IGSF22: variants seen among roughly 807,000 people sequenced by gnomAD.
IGSF22 encodes immunoglobulin superfamily, member 22.
In IGSF22, 119 loss-of-function variants were observed where a neutral mutation model predicts 127.0. The observed-to-expected ratio is 0.94, with a 90% CI of 0.81 to 1.09. The LOEUF is 1.09. IGSF22 is among the 50% of genes least tolerant of loss of function. The pLI is 0.00. For missense variants in IGSF22, 1,518 were observed against 1,716.6 expected (o/e 0.88, Z 2.04); for synonymous variants, 568 against 664.7 (o/e 0.85, Z 2.24).
chr11:18,706,027 A>C lies in IGSF22; in HGVS notation c.3700T>G (p.Cys1234Gly). The C allele has an allele frequency of 6.4e-7, 1 of 1,551,642 alleles. No individual in the cohort carries two copies. Among genetic ancestry groups the C allele is most frequent in the Non-Finnish European group, 8.7e-7 (1 of 1,146,960 alleles). The change falls in exon 22 of 23, where the codon TGC (cysteine) becomes GGC (glycine). Residue 1234 changes from cysteine to glycine, a missense_variant. Cys to Gly is a radical substitution (Grantham distance 159, BLOSUM62 -3). Coordinates refer to ENST00000513874, the MANE Select transcript of IGSF22 (RefSeq NM_173588.4). ...GGCCGCGGGTTCCCAAGGAAGGCGC[A>C]GGTCATGGTGCAGTCCTGGCCGCGG... Reference protein sequence around the residue: ...VLRGQDCTMTCAFLGNPRPTV... With the variant: ...VLRGQDCTMTGAFLGNPRPTV...
Position 18,714,173 on chromosome 11 carries a change from G to A in IGSF22, c.1799-25C>T, listed in dbSNP as rs756329358. 1.7e-5 allele frequency: 27 copies of A among 1,599,798 alleles called. 1 individual carries two copies. The East Asian group carries it at 5.6e-4, about 33-fold the overall frequency. ...TCTGTGGGGCGGGGCGGCAGGGAAG[G>A]CTTGAGCATTGGCATGGAGGAGCCC... On this transcript the variant is annotated intron_variant, in intron 13 of 22. Coordinates refer to ENST00000513874, the MANE Select transcript of IGSF22 (RefSeq NM_173588.4).
chr11:18,721,779 G>C, intron 3 of IGSF22, 108 bp from the exon 4 acceptor site: 15 of 1,587,952 alleles, frequency 9.4e-6, no homozygotes, highest in East Asian at 2.2e-5. Context: ...CTGGCCCCGG[G>C]CAGGGGAGGA....
At position 18,708,377 on chromosome 11, in the gene IGSF22, C is replaced by T. The variant is rs1848288361; in HGVS notation, c.2999-82G>A. 3.8e-6 allele frequency: 4 copies of T among 1,065,614 alleles called. No homozygotes were observed. In the Admixed American group the frequency reaches 8.3e-5, roughly 22 times the overall value. 66.0% of individuals were successfully genotyped at this position (1,065,614 alleles called of 1,614,324 possible). On this transcript the variant is annotated intron_variant, in intron 18 of 22. Transcript: ENST00000513874. ...TTTAAGCCTCCTCATCAAAGCCTTC[C>T]CAACCTCTCCTCCTTTATGCCCCCA...
Position 18,717,957 on chromosome 11 carries a change from C to T in IGSF22, c.947G>A (p.Arg316Gln), listed in dbSNP as rs148169388. ...CAGCACTGTGAGCTCTGCACTCATC[C>T]GCTTATCGCCCACGGACAGGCTGTA... ...GIYSLSVGDK[R>Q]MSAELTVLDE... Residue 316 changes from arginine (R) to glutamine (Q), a missense_variant, in exon 9 of 23, where the codon CGG becomes CAG. Arg to Gln is a conservative substitution (Grantham distance 43). Coordinates refer to ENST00000513874, the MANE Select transcript of IGSF22 (RefSeq NM_173588.4). 7.5e-4 allele frequency: 1,209 copies of T among 1,614,148 alleles called. 19 individuals carry two copies. In the African/African-American group the frequency reaches 0.011, roughly 15 times the overall value.
Position 18,709,421 on chromosome 11 carries a change from C to T in IGSF22, c.2964G>A (p.Glu988=), listed in dbSNP as rs1431041659. 3 of 1,614,128 alleles carry T rather than the reference C, an allele frequency of 1.9e-6. No individual in the cohort carries two copies. In the East Asian group the frequency reaches 6.7e-5, roughly 36 times the overall value. Reference sequence around the variant, plus strand: ...GCATGGCACGGACCCCCTTGTCTAGCTCCACAGGCTCCCCAACCCCAGCCT... The same window carrying T: ...GCATGGCACGGACCCCCTTGTCTAGTTCCACAGGCTCCCCAACCCCAGCCT... ...VNEAGVGEPV[E]LDKGVRAMPP... is the part of the protein sequence containing the mutation. The change falls in exon 18 of 23, where the codon GAG becomes GAA. Residue 988 remains glutamate (E), a synonymous_variant. Coordinates refer to ENST00000513874, the MANE Select transcript of IGSF22 (RefSeq NM_173588.4). This position sits in a 1 kb window ranked among gnomAD's most constrained non-coding sequence, Gnocchi z 4.8.
intron 8 of IGSF22, 74 bp from the exon 9 acceptor site, chr11:18,718,167 C>T (rs566912834): frequency 2.0e-5 from 29 of 1,449,602 alleles, no homozygotes; most frequent in Admixed American, 3.6e-5. Context: ...CATTCCCCAG[C>T]GCCAGCCTAA....
chr11:18,705,470 T>C, intron 22 of IGSF22: 1 of 243,812 alleles, frequency 4.1e-6, no homozygotes, highest in Non-Finnish European at 7.9e-6. Flanking sequence ...TTTGTAAACA[T>C]ATAGGTTATT....
At position 18,714,598 on chromosome 11, in the gene IGSF22, T is replaced by TC. The variant is rs1848425440; in HGVS notation, c.1557dup (p.Met520AspfsTer13). 1.2e-6 allele frequency: 2 copies of TC among 1,613,982 alleles called. No homozygotes were observed. Among genetic ancestry groups the TC allele is most frequent in the Non-Finnish European group, 1.7e-6 (2 of 1,180,044 alleles). ...CCAGTGGCCGCGTGCACGTCGGACA[T>TC]CCCGCTCTTCACTGTGGCCAGACGC... On this transcript the variant is annotated frameshift_variant, in exon 12 of 23. Transcript: ENST00000513874. LOFTEE classifies it high-confidence loss of function.
chr11:18,720,878 T>G lies in IGSF22; in HGVS notation c.379-593A>C, dbSNP rs548054232. On this transcript the variant is annotated intron_variant, in intron 4 of 22. Coordinates refer to ENST00000513874, the MANE Select transcript of IGSF22 (RefSeq NM_173588.4). ...TCTTTGGGAGCAGACTACTTCTGTC[T>G]GTGGGGAAAAAAGGAGGCTCTTTGC... Among the ~76,000 whole-genome samples the G allele has an allele frequency of 2.6e-5, 4 of 152,252 alleles. No individual in the cohort carries two copies. In the South Asian group the frequency reaches 8.3e-4, roughly 32 times the overall value.
rs1264547979 is a variant in IGSF22 at position 18,717,954 on chromosome 11, A to G, written c.950T>C (p.Met317Thr). The change falls in exon 9 of 23, where the codon ATG becomes ACG. Residue 317 changes from methionine (M) to threonine (T), a missense_variant. Physicochemically the swap from Met to Thr is moderately conservative, Grantham distance 81 (BLOSUM62 -1). Coordinates refer to ENST00000513874, the MANE Select transcript of IGSF22 (RefSeq NM_173588.4). ...ACCCAGCACTGTGAGCTCTGCACTCATCCGCTTATCGCCCACGGACAGGCT... is the reference window on the plus strand; with the variant it reads ...ACCCAGCACTGTGAGCTCTGCACTCGTCCGCTTATCGCCCACGGACAGGCT... ...IYSLSVGDKR[M>T]SAELTVLDEP... 27 of 1,614,018 alleles carry G rather than the reference A, an allele frequency of 1.7e-5. No individual in the cohort carries two copies. Among genetic ancestry groups the G allele is most frequent in the Non-Finnish European group, 2.2e-5 (26 of 1,180,032 alleles).
Position 18,705,933 on chromosome 11 carries a change from C to T in IGSF22, c.3794G>A (p.Ser1265Asn). The T allele has an allele frequency of 1.3e-6, 2 of 1,551,744 alleles. No homozygotes were observed. Among genetic ancestry groups the T allele is most frequent in the Non-Finnish European group, 1.7e-6 (2 of 1,146,992 alleles). Reference sequence around the variant, plus strand: ...GGGGATGACGAGGGTGCACACGCCGCTGGTGGAGTTGTACCAGAACTTGGA... The same window carrying T: ...GGGGATGACGAGGGTGCACACGCCGTTGGTGGAGTTGTACCAGAACTTGGA... ...ANSKFWYNST[S>N]GVCTLVIPTC... The change falls in exon 22 of 23, where the codon AGC (serine) becomes AAC (asparagine). Residue 1265 changes from serine (S) to asparagine (N), a missense_variant. Transcript: ENST00000513874.
rs1457159321 is a variant in IGSF22, at chr11:18,706,924, A to T, written c.3570T>A (p.Asn1190Lys). ...AAGTCCCAGACTCACTCTGGTCCTTATTGATGAGCCAGGTGTCCCTGGAGT... is the reference window on the plus strand; with the variant it reads ...AAGTCCCAGACTCACTCTGGTCCTTTTTGATGAGCCAGGTGTCCCTGGAGT... Reference protein sequence around the residue: ...PLDSRDTWLINKDQIQDLSAK... With the variant: ...PLDSRDTWLIKKDQIQDLSAK... Residue 1190 changes from asparagine (N) to lysine (K), a missense_variant, in exon 21 of 23, where the codon AAT (asparagine) becomes AAA (lysine). By Grantham distance (94) the Asn-to-Lys change is moderately conservative. This residue lies in a region of IGSF22 where 1,456 missense variants were observed against 1,644.9 expected (regional missense o/e 0.89). Transcript: ENST00000513874. The T allele has an allele frequency of 1.3e-6, 2 of 1,509,108 alleles. No homozygotes were observed. Among genetic ancestry groups the T allele is most frequent in the Non-Finnish European group, 1.8e-6 (2 of 1,124,130 alleles). 93.5% of individuals were successfully genotyped at this position (1,509,108 alleles called of 1,614,324 possible). A position where few individuals can be genotyped will look rare whatever the true frequency, so the allele number is the denominator to read the frequency against.
At chr11:18,721,200 C>G (rs1848565014) in intron 4 of IGSF22, among the ~76,000 whole-genome samples, 1 of 152,198 alleles carries the variant, frequency 6.6e-6, no homozygotes, top group African/African-American at 2.4e-5. Flanking sequence ...CATGGCTACG[C>G]CCACCGTCTT....
chr11:18,720,300 G>T lies in IGSF22; in HGVS notation c.379-15C>A. 18 of 1,607,178 alleles carry T rather than the reference G, an allele frequency of 1.1e-5. No homozygotes were observed. Among genetic ancestry groups the T allele is most frequent in the Non-Finnish European group, 1.5e-5 (18 of 1,174,226 alleles). ...AGTGGCTCCAGCTGGATCAAAGTCC[G>T]GCCATTAGTGGGGGAAGGAAAAGGA... On this transcript the variant is annotated splice_polypyrimidine_tract_variant and intron_variant, in intron 4 of 22. Transcript: ENST00000513874.
intron 4 of IGSF22, among the ~76,000 whole-genome samples, chr11:18,721,120 C>T (rs574464708): frequency 2.0e-5 from 3 of 152,280 alleles, no homozygotes; most frequent in Middle Eastern, 3.4e-3. Context: ...GAGCCCGGAG[C>T]CCCTGACCCT....
Position 18,721,623 on chromosome 11 carries a change from T to G in IGSF22, c.290A>C (p.His97Pro), listed in dbSNP as rs1344918977. Residue 97 changes from histidine (H) to proline (P), a missense_variant, in exon 4 of 23, where the codon CAC (histidine) becomes CCC (proline). Transcript: ENST00000513874. The part of the protein sequence containing the change: ...RARVQGNAKP[H>P]ISWKRESGIP... Reference sequence around the variant, plus strand: ...GCCGCTCTCCCTCTTCCAGGAGATGTGGGGTTTGGCGTTCCCCTGCACCCG... The same window carrying G: ...GCCGCTCTCCCTCTTCCAGGAGATGGGGGGTTTGGCGTTCCCCTGCACCCG... 1 of 1,614,250 alleles carries G rather than the reference T, an allele frequency of 6.2e-7. No homozygotes were observed. The highest frequency in any genetic ancestry group is 1.1e-5 in the South Asian group (1 of 91,086).
rs748844527 is a variant in IGSF22, at chr11:18,720,268, C to T, written c.396G>A (p.Ser132=). 5 of 1,613,862 alleles carry T rather than the reference C, an allele frequency of 3.1e-6. No homozygotes were observed. The highest frequency in any genetic ancestry group is 1.6e-4 in the Middle Eastern group (1 of 6,076). The part of the protein sequence containing the change: ...EHVLKLEPLT[S]DDSDNYKCIA... ...TGCACTTATAGTTGTCAGAGTCATC[C>T]GAAGTCAGTGGCTCCAGCTGGATCA... Residue 132 remains serine, a synonymous_variant, in exon 5 of 23, where the codon TCG becomes TCA. Transcript: ENST00000513874.
intron 19 of IGSF22, 29 bp from the exon 20 acceptor site, chr11:18,708,025 G>A: frequency 6.2e-7 from 1 of 1,611,400 alleles, no homozygotes; most frequent in Non-Finnish European, 8.5e-7. Flanking sequence ...TGGCACAACT[G>A]GTCACACAGA....
chr11:18,710,099 G>A (rs11603654), intron 17 of IGSF22, among the ~76,000 whole-genome samples: 39,403 of 151,846 alleles, frequency 0.26, 5,357 homozygotes, highest in South Asian at 0.39. Context: ...AGAAATACAC[G>A]AAATTTAAAA....
Sources: gnomAD v4.1 joint callset for allele counts (sites outside exome capture counted in the v4.1 genomes callset) on GRCh38, gnomAD v4.1.1 for gene constraint, gnomAD v4.1.1 regional missense constraint, Gnocchi (gnomAD v3.1) non-coding constraint, MANE v1.5 for transcripts, NCBI Gene and HGNC (gene_info 2026-07-23, HGNC 2026-07-21) for gene names.